Variants in CTNND2 observed in about 807,000 individuals in gnomAD.
The protein encoded by CTNND2 is catenin delta-2.
A neutral mutation model predicts 144.4 loss-of-function variants in CTNND2; 22 were observed. That is an observed-to-expected ratio of 0.15 (90% CI 0.11 to 0.22). The LOEUF (loss-of-function observed/expected upper bound fraction) is 0.22. Among genes scored for constraint, CTNND2 ranks in the 10% least tolerant of loss-of-function variants. The probability of loss-of-function intolerance (pLI) is 1.00; values close to 1 mark genes in which losing one functional copy is unlikely to be tolerated. For synonymous variants in CTNND2, 751 were observed against 695.6 expected (o/e 1.08, Z -1.25); for missense variants, 1,353 against 1,618.8 (o/e 0.84, Z 2.82).
chr5:11,115,457 T>C lies in CTNND2; in HGVS notation c.2277+1993A>G, dbSNP rs149245424. On this transcript the variant is annotated intron_variant, in intron 13 of 21. Coordinates refer to ENST00000304623, the MANE Select transcript of CTNND2 (RefSeq NM_001332.4). ...AGTGCCTCACTCACCACTCTGAATA[T>C]GACGATGCTGAGCATTGCCGCTTCA... Among the ~76,000 whole-genome samples, 174 of 152,342 alleles carry C rather than the reference T, an allele frequency of 1.1e-3. 1 individual carries two copies. Among genetic ancestry groups the C allele is most frequent in the African/African-American group, 3.4e-3 (142 of 41,580 alleles).
intron 10 of CTNND2, among the ~76,000 whole-genome samples, chr5:11,231,532 G>C (rs777162395): frequency 6.6e-6 from 1 of 152,208 alleles, no homozygotes; most frequent in Non-Finnish European, 1.5e-5. Flanking sequence ...TTAGAAAAGA[G>C]ACTGGCAGCA....
chr5:11,623,836 A>G (rs1313499518), intron 2 of CTNND2, among the ~76,000 whole-genome samples: 1 of 126,398 alleles, frequency 7.9e-6, no homozygotes, highest in Non-Finnish European at 1.6e-5. Flanking sequence ...ATATATATAT[A>G]TATATATATA....
chr5:11,380,489 G>A lies in CTNND2; in HGVS notation c.1177+4176C>T, dbSNP rs115012354. 2.5e-3 allele frequency among the ~76,000 whole-genome samples: 378 copies of A among 152,328 alleles called. 1 individual carries two copies. Among genetic ancestry groups the A allele is most frequent in the African/African-American group, 8.5e-3 (355 of 41,576 alleles). ...GAATAATTTTAAGCCGGTGAGCAAT[G>A]AGCCTACCAGCCTTAAGGAGCTCCC... On this transcript the variant is annotated intron_variant, in intron 7 of 21. Coordinates refer to ENST00000304623, the MANE Select transcript of CTNND2 (RefSeq NM_001332.4).
chr5:11,634,275 GCA>G (rs1179637853), intron 2 of CTNND2, among the ~76,000 whole-genome samples: 11 of 151,986 alleles, frequency 7.2e-5, no homozygotes, highest in African/African-American at 1.9e-4. Flanking sequence ...AAGACCATAG[GCA>G]CACACACAGC....
chr5:11,044,020 T>C (rs1452930436), intron 16 of CTNND2, among the ~76,000 whole-genome samples: 2 of 152,226 alleles, frequency 1.3e-5, no homozygotes, highest in Non-Finnish European at 2.9e-5. Flanking sequence ...CACACTTGGC[T>C]GAGAGTAACT....
chr5:10,981,987 G>A (rs371533826), intron 20 of CTNND2, 141 bp from the exon 21 acceptor site: 1 of 647,484 alleles, frequency 1.5e-6, no homozygotes, highest in African/African-American at 1.8e-5. Flanking sequence ...CTTTGGCCCT[G>A]AACACTTCAT....
chr5:11,869,604 G>T (rs1795930610), intron 1 of CTNND2, among the ~76,000 whole-genome samples: 1 of 152,210 alleles, frequency 6.6e-6, no homozygotes, highest in African/African-American at 2.4e-5. Flanking sequence ...TGTTTAATTG[G>T]TACAGAGCTG....
chr5:11,625,389 A>ATCTCTCTT (rs1554095901), intron 2 of CTNND2, among the ~76,000 whole-genome samples: 2 of 140,394 alleles, frequency 1.4e-5, no homozygotes, highest in Non-Finnish European at 3.1e-5. Context: ...AAACAGAAAA[A>ATCTCTCTT]TCTCTCTCTC....
intron 10 of CTNND2, among the ~76,000 whole-genome samples, chr5:11,212,272 A>G (rs1336068565): frequency 1.3e-5 from 2 of 152,244 alleles, no homozygotes; most frequent in African/African-American, 4.8e-5. Flanking sequence ...AGGAACAAAT[A>G]CAGTGTATGA....
intron 2 of CTNND2, among the ~76,000 whole-genome samples, chr5:11,656,297 A>G (rs1260963316): frequency 1.3e-5 from 2 of 151,952 alleles, no homozygotes; most frequent in East Asian, 3.9e-4. Flanking sequence ...TACCCTTTGC[A>G]ATGGTCTTGT....
intron 11 of CTNND2, among the ~76,000 whole-genome samples, chr5:11,186,416 T>A (rs1358396947): frequency 6.6e-6 from 1 of 152,204 alleles, no homozygotes; most frequent in Non-Finnish European, 1.5e-5. Flanking sequence ...TTCTTCTATA[T>A]CCAGTGGAAG....
intron 2 of CTNND2, among the ~76,000 whole-genome samples, chr5:11,592,138 TCCTGCCTTCCTGCCTTCCTGCCTG>T (rs1173334237): frequency 3.4e-5 from 4 of 117,378 alleles, no homozygotes; most frequent in African/African-American, 7.5e-5. Flanking sequence ...TTTCCTGCCT[TCCTGCCTTCCTGCCTTCCTGCCTG>T]CCTGCCTTCC....
chr5:11,105,343 T>C (rs1307982357), intron 14 of CTNND2, among the ~76,000 whole-genome samples: 2 of 152,208 alleles, frequency 1.3e-5, no homozygotes, highest in Non-Finnish European at 2.9e-5. Context: ...CCAGGGCAAT[T>C]TTAACACCCA....
intron 1 of CTNND2, among the ~76,000 whole-genome samples, chr5:11,823,271 A>G (rs1185889240): frequency 1.3e-5 from 2 of 152,214 alleles, no homozygotes; most frequent in Non-Finnish European, 2.9e-5. Flanking sequence ...AAATTAAACA[A>G]AACCACTAAT....
intron 10 of CTNND2, among the ~76,000 whole-genome samples, chr5:11,226,235 AC>A (rs763030205): frequency 1.6e-4 from 24 of 152,138 alleles, no homozygotes; most frequent in Non-Finnish European, 3.2e-4. Flanking sequence ...GCTCTGAGGT[AC>A]TCTCTCTGAC....
At chr5:11,862,524 C>G (rs1179405818) in intron 1 of CTNND2, among the ~76,000 whole-genome samples, 1 of 152,128 alleles carries the variant, frequency 6.6e-6, no homozygotes, top group Admixed American at 6.5e-5. Context: ...TTTTAGGAAA[C>G]TAGAAAACTT....
intron 9 of CTNND2, among the ~76,000 whole-genome samples, chr5:11,311,791 A>G (rs1253239572): frequency 1.5e-5 from 2 of 135,310 alleles, no homozygotes; most frequent in Non-Finnish European, 3.2e-5. Flanking sequence ...ACACACACAC[A>G]CACACACACA....
chr5:11,333,593 C>T (rs1056629106), intron 9 of CTNND2, among the ~76,000 whole-genome samples: 2 of 152,088 alleles, frequency 1.3e-5, no homozygotes, highest in Non-Finnish European at 2.9e-5. Context: ...AATCATCATC[C>T]CACAAACTTA....
chr5:11,493,576 A>T (rs1466003466), intron 3 of CTNND2, among the ~76,000 whole-genome samples: 8 of 152,224 alleles, frequency 5.3e-5, no homozygotes, highest in South Asian at 4.1e-4. Context: ...CAAGCACAAT[A>T]TTGCTGCTTT....
Sources: allele counts gnomAD v4.1 joint callset (sites outside exome capture counted in the v4.1 genomes callset), GRCh38; gene constraint gnomAD v4.1.1; transcripts MANE v1.5; gene names NCBI Gene and HGNC (gene_info 2026-07-23, HGNC 2026-07-21).